Variants in SNX29 observed in about 807,000 individuals in gnomAD.
The protein encoded by SNX29 is sorting nexin 29.
In SNX29, 78 loss-of-function variants were observed where a neutral mutation model predicts 102.1. The ratio of observed to expected loss-of-function variants is 0.76; its 90% confidence interval spans 0.64 to 0.92. The LOEUF (loss-of-function observed/expected upper bound fraction) is 0.92. Ranked by LOEUF, SNX29 falls within the 40% of genes least tolerant of loss-of-function variation. The pLI is 0.00. For missense variants in SNX29, 1,280 were observed against 1,061.7 expected (o/e 1.21, Z -2.86); for synonymous variants, 580 against 414.5 (o/e 1.40, Z -4.85).
intron 20 of SNX29, among the ~76,000 whole-genome samples, chr16:12,563,151 C>A (rs1031490792): frequency 6.6e-6 from 1 of 151,814 alleles, no homozygotes; most frequent in Admixed American, 6.6e-5. Flanking sequence ...ATCCCAGCTC[C>A]AGGGGGGGCA....
chr16:12,197,246 A>G (rs1470420449), intron 13 of SNX29, among the ~76,000 whole-genome samples: 1 of 152,100 alleles, frequency 6.6e-6, no homozygotes, highest in African/African-American at 2.4e-5. Context: ...GGGCTGGGCA[A>G]TGAGGCTCTG....
At chr16:12,148,000 G>A (rs1367034580) in intron 13 of SNX29, among the ~76,000 whole-genome samples, 2 of 152,220 alleles carry the variant, frequency 1.3e-5, no homozygotes, top group Non-Finnish European at 2.9e-5. Flanking sequence ...GCTAGTGACT[G>A]AGCAAACCAG....
intron 18 of SNX29, among the ~76,000 whole-genome samples, chr16:12,455,390 C>A (rs1567580929): frequency 6.6e-6 from 1 of 152,194 alleles, no homozygotes; most frequent in Non-Finnish European, 1.5e-5. Context: ...ACCAGGCAAG[C>A]CCTGCATACC....
intron 14 of SNX29, among the ~76,000 whole-genome samples, chr16:12,259,403 C>T (rs1320480865): frequency 1.3e-5 from 2 of 152,204 alleles, no homozygotes; most frequent in African/African-American, 4.8e-5. Flanking sequence ...CTCCTCCTCT[C>T]TGCCCCTGCC....
chr16:12,568,350 A>T (rs554566335), intron 20 of SNX29, among the ~76,000 whole-genome samples, 156 bp from the exon 21 acceptor site: 1 of 150,514 alleles, frequency 6.6e-6, no homozygotes, highest in East Asian at 2.0e-4. Flanking sequence ...GGGGTTTCTC[A>T]TTTCTTCAGG....
chr16:12,277,941 C>A lies in SNX29; in HGVS notation c.1687C>A (p.Leu563Ile), dbSNP rs572156784. Residue 563 changes from leucine (L) to isoleucine (I), a missense_variant, in exon 15 of 21, where the codon CTT (leucine) becomes ATT (isoleucine). Leu to Ile is a conservative substitution (Grantham distance 5). Coordinates refer to ENST00000566228, the MANE Select transcript of SNX29 (RefSeq NM_032167.5). ...REGQTAEVPNLWSVDGEVTVA... is the reference protein window; with the variant it reads ...REGQTAEVPNIWSVDGEVTVA... ...TCTCTCTTTCTCTAAAGTGCCAAAT[C>A]TTTGGAGTGTTGATGGAGAAGTTAC... The A allele has an allele frequency of 2.5e-6, 4 of 1,606,680 alleles. No individual in the cohort carries two copies. The highest frequency in any genetic ancestry group is 1.1e-5 in the South Asian group (1 of 89,134).
chr16:12,557,484 C>T (rs1182876515), intron 20 of SNX29: 2 of 152,152 alleles, frequency 1.3e-5, no homozygotes, highest in African/African-American at 2.4e-5. Context: ...GCTTCAGCCT[C>T]TTAAGTAGCT....
At chr16:12,136,339 C>G (rs991077176) in intron 13 of SNX29, among the ~76,000 whole-genome samples, 4 of 152,232 alleles carry the variant, frequency 2.6e-5, no homozygotes, top group African/African-American at 4.8e-5. Flanking sequence ...GTGTCCGACC[C>G]TTACCTAGGG....
At chr16:12,169,304 G>A (rs370475299) in intron 13 of SNX29, among the ~76,000 whole-genome samples, 2 of 152,174 alleles carry the variant, frequency 1.3e-5, no homozygotes, top group Non-Finnish European at 1.5e-5. Flanking sequence ...AAGTGACGCC[G>A]CCTGGTTTGT....
At chr16:12,038,535 A>T (rs1366276343) in intron 4 of SNX29, among the ~76,000 whole-genome samples, 1 of 152,162 alleles carries the variant, frequency 6.6e-6, no homozygotes, top group Admixed American at 6.5e-5. Flanking sequence ...TATATCCCTA[A>T]ATTAAATTAC....
chr16:12,279,076 G>A (rs1210128690), intron 15 of SNX29, among the ~76,000 whole-genome samples: 1 of 152,338 alleles, frequency 6.6e-6, no homozygotes, highest in East Asian at 1.9e-4. Flanking sequence ...TGTACATGTT[G>A]TAATGGTCCC....
At chr16:12,171,011 A>G (rs991287398) in intron 13 of SNX29, among the ~76,000 whole-genome samples, 6 of 152,032 alleles carry the variant, frequency 3.9e-5, no homozygotes, top group East Asian at 1.9e-4. Flanking sequence ...GTGATTTTAC[A>G]TATCTTAGAT....
intron 15 of SNX29, among the ~76,000 whole-genome samples, chr16:12,349,302 G>C (rs1337917638): frequency 6.6e-6 from 1 of 152,212 alleles, no homozygotes; most frequent in African/African-American, 2.4e-5. Context: ...ACCGTGCCAA[G>C]GTCAAAGAGA....
At chr16:12,241,470 T>A (rs917023126) in intron 14 of SNX29, among the ~76,000 whole-genome samples, 4 of 152,128 alleles carry the variant, frequency 2.6e-5, no homozygotes, top group Admixed American at 2.6e-4. Flanking sequence ...TCTATCTTTT[T>A]TTTTTTGGAG....
chr16:11,987,707 C>G (rs1479806986), intron 1 of SNX29, among the ~76,000 whole-genome samples: 3 of 152,090 alleles, frequency 2.0e-5, no homozygotes, highest in Non-Finnish European at 4.4e-5. Context: ...GACTCTTACT[C>G]TTAATTCCCT....
chr16:12,334,010 T>G (rs1319466659), intron 15 of SNX29, among the ~76,000 whole-genome samples: 2 of 152,152 alleles, frequency 1.3e-5, no homozygotes. Flanking sequence ...TGGGTGTGTT[T>G]GTTAAATATC....
rs190365649 is a variant in SNX29, at chr16:12,549,234, C to G, written c.2319-19272C>G. ...GTGTCTGCCAGCCATGGTGGCTCAT[C>G]CCTGTAATCCCAGCACTTTGGGAGG... On this transcript the variant is annotated intron_variant, in intron 20 of 20. Transcript: ENST00000566228. Among the ~76,000 whole-genome samples, 35 of 152,264 alleles carry G rather than the reference C, an allele frequency of 2.3e-4. No homozygotes were observed. The East Asian group carries it at 4.8e-3, about 21-fold the overall frequency.
At chr16:12,111,114 T>C (rs956808671) in intron 11 of SNX29, among the ~76,000 whole-genome samples, 1 of 152,278 alleles carries the variant, frequency 6.6e-6, no homozygotes, top group East Asian at 1.9e-4. Flanking sequence ...GCAGTGTTTT[T>C]CTGAGGGGGC....
intron 4 of SNX29, among the ~76,000 whole-genome samples, chr16:12,031,894 C>A (rs950786333): frequency 6.6e-6 from 1 of 152,146 alleles, no homozygotes; most frequent in Non-Finnish European, 1.5e-5. Context: ...GTGTACAATT[C>A]AGTGTAAGTG....
Sources: gnomAD v4.1 joint callset for allele counts (sites outside exome capture counted in the v4.1 genomes callset) on GRCh38, gnomAD v4.1.1 for gene constraint, MANE v1.5 for transcripts, NCBI Gene and HGNC (gene_info 2026-07-23, HGNC 2026-07-21) for gene names.